Variants in LAMA1 observed in about 807,000 individuals in gnomAD.
The protein encoded by LAMA1 is laminin subunit alpha 1, also known as laminin subunit alpha-1.
LAMA1 carries 219 observed loss-of-function variants against 348.7 expected under a neutral mutation model. The observed-to-expected ratio is 0.63, with a 90% CI of 0.56 to 0.70. LAMA1 has a LOEUF of 0.70. LAMA1 is among the 30% of genes least tolerant of loss of function. LAMA1 has a pLI of 0.00. For missense variants in LAMA1, 3,744 were observed against 3,888.0 expected, an observed-to-expected ratio of 0.96 and a Z score of 0.99; for synonymous variants, 1,487 against 1,491.0, an observed-to-expected ratio of 1.00 and a Z score of 0.06.
At chr18:7,006,249 T>C (rs2057831287) in intron 29 of LAMA1, among the ~76,000 whole-genome samples, 1 of 152,128 alleles carries the variant, frequency 6.6e-6, no homozygotes, top group Admixed American at 6.5e-5. Flanking sequence ...GCTTAGTCGT[T>C]TACAGTGGTC....
intron 36 of LAMA1, among the ~76,000 whole-genome samples, chr18:6,986,863 G>A (rs1022974790): frequency 6.6e-6 from 1 of 152,104 alleles, no homozygotes; most frequent in Non-Finnish European, 1.5e-5. Flanking sequence ...ATGTTCAAAC[G>A]ATTCTCCTGC....
intron 49 of LAMA1, chr18:6,965,920 TTGG>T: frequency 1.8e-6 from 1 of 549,334 alleles, no homozygotes; most frequent in Non-Finnish European, 3.2e-6. Context: ...TAGTTTCTAC[TTGG>T]TGTTCTTCTA....
At chr18:7,097,812 T>C (rs2058268338) in intron 1 of LAMA1, among the ~76,000 whole-genome samples, 3 of 151,994 alleles carry the variant, frequency 2.0e-5, no homozygotes, top group African/African-American at 7.3e-5. Context: ...ATGCAAAAAA[T>C]GAACTTACAC....
chr18:6,962,097 GT>G, intron 51 of LAMA1, 38 bp from the exon 52 acceptor site: 1 of 1,482,642 alleles, frequency 6.7e-7, no homozygotes, highest in Non-Finnish European at 9.4e-7. Flanking sequence ...CAAAATTTGG[GT>G]TTTTAAATTC....
At chr18:7,050,651 C>T in intron 4 of LAMA1, 43 bp downstream of exon 4, 1 of 1,612,422 alleles carries the variant, frequency 6.2e-7, no homozygotes. Flanking sequence ...CAGGGAGACT[C>T]TGATGAGGAA....
intron 62 of LAMA1, 135 bp from the exon 63 acceptor site, chr18:6,942,374 T>A: frequency 1.1e-6 from 1 of 947,896 alleles, no homozygotes; most frequent in South Asian, 1.6e-5. Context: ...TAGGAGAATA[T>A]CTTCCACATA....
At position 7,026,062 on chromosome 18, in the gene LAMA1, C is replaced by A. The variant is rs781185458; in HGVS notation, c.2319G>T (p.Leu773Phe). 5 of 1,610,782 alleles carry A rather than the reference C, an allele frequency of 3.1e-6. No individual in the cohort carries two copies. Among genetic ancestry groups the A allele is most frequent in the Admixed American group, 3.3e-5 (2 of 59,706 alleles). The change falls in exon 17 of 63, where the codon TTG (leucine) becomes TTT (phenylalanine). Residue 773 changes from leucine (L) to phenylalanine (F), a missense_variant. Leu to Phe is a conservative substitution (Grantham distance 22, BLOSUM62 0). Transcript: ENST00000389658. ...GGGAAGGCTCCCCGTAGAAGCCGGG[C>A]AAGCACTGCTCACAGTGGACGCCGG... Reference protein sequence around the residue: ...NTTGVHCEQCLPGFYGEPSRG... With the variant: ...NTTGVHCEQCFPGFYGEPSRG...
At chr18:7,069,952 T>C (rs898344154) in intron 3 of LAMA1, among the ~76,000 whole-genome samples, 1 of 152,194 alleles carries the variant, frequency 6.6e-6, no homozygotes, top group African/African-American at 2.4e-5. Flanking sequence ...GTTGCTGTTT[T>C]AAGCCATAAA....
intron 1 of LAMA1, among the ~76,000 whole-genome samples, chr18:7,115,067 C>T (rs1179155902): frequency 8.5e-5 from 13 of 152,148 alleles, no homozygotes; most frequent in Non-Finnish European, 1.9e-4. Context: ...GGCAGTGAGG[C>T]TTCTGTTACA....
chr18:7,094,837 C>A (rs2058254059), intron 1 of LAMA1, among the ~76,000 whole-genome samples: 1 of 152,138 alleles, frequency 6.6e-6, no homozygotes, highest in Non-Finnish European at 1.5e-5. Flanking sequence ...CTATAAATTT[C>A]TCAGTTTTAT....
At position 7,035,975 on chromosome 18, in the gene LAMA1, A is replaced by C. The variant is rs1196697264; in HGVS notation, c.1839+12T>G. ...CTAAGCTCTATAGCAGAATCAAAGC[A>C]AAAACAATCACCTTAATGATGACGT... On this transcript the variant is annotated intron_variant, in intron 13 of 62. Transcript: ENST00000389658. The C allele has an allele frequency of 6.2e-7, 1 of 1,608,508 alleles. No homozygotes were observed. The highest frequency in any genetic ancestry group is 8.5e-7 in the Non-Finnish European group (1 of 1,174,860).
At chr18:6,952,915 G>T (rs1340316758) in intron 57 of LAMA1, among the ~76,000 whole-genome samples, 1 of 148,642 alleles carries the variant, frequency 6.7e-6, no homozygotes, top group African/African-American at 2.5e-5. Context: ...TCCACGCCAT[G>T]GGAGCCATGT....
chr18:7,043,811 C>T (rs1474233325), intron 7 of LAMA1, among the ~76,000 whole-genome samples: 1 of 152,118 alleles, frequency 6.6e-6, no homozygotes, highest in Non-Finnish European at 1.5e-5. Context: ...TTAAAAACAG[C>T]ATTTCTAATT....
chr18:7,014,079 A>C (rs747815210), intron 22 of LAMA1, 28 bp from the exon 23 acceptor site: 1 of 1,558,188 alleles, frequency 6.4e-7, no homozygotes, highest in East Asian at 2.2e-5. Context: ...CAACTCAATT[A>C]AAAAGGCAGA....
chr18:7,040,269 G>A, intron 9 of LAMA1, 33 bp from the exon 10 acceptor site: 2 of 1,611,726 alleles, frequency 1.2e-6, no homozygotes, highest in South Asian at 1.1e-5. Context: ...GACCCAACAT[G>A]AAGGCAAAAG....
rs12956355 is a variant in LAMA1, at chr18:6,953,096, T to C, written c.8208-2125A>G. On this transcript the variant is annotated intron_variant, in intron 57 of 62. Transcript: ENST00000389658. Reference sequence around the variant, plus strand: ...GGGAGCCATGTCTGCCTGTGTCCAGTGGATCCACACCATAGGAGCCATGTC... The same window carrying C: ...GGGAGCCATGTCTGCCTGTGTCCAGCGGATCCACACCATAGGAGCCATGTC... 7.8e-4 allele frequency among the ~76,000 whole-genome samples: 102 copies of C among 130,902 alleles called. 1 individual carries two copies. Among genetic ancestry groups the C allele is most frequent in the Middle Eastern group, 4.5e-3 (1 of 220 alleles). 85.9% of individuals were successfully genotyped at this position (130,902 alleles called of 152,430 possible). A position where few individuals can be genotyped will look rare whatever the true frequency, so the allele number is the denominator to read the frequency against.
At chr18:7,059,330 G>C (rs566734755) in intron 3 of LAMA1, among the ~76,000 whole-genome samples, 14 of 152,200 alleles carry the variant, frequency 9.2e-5, no homozygotes, top group Non-Finnish European at 1.8e-4. Context: ...GTTCTCACTA[G>C]ACTCAGAGTC....
rs2057689831 is a variant in LAMA1, at chr18:6,977,892, CAAG to C, written c.6191-14_6191-12del. On this transcript the variant is annotated splice_polypyrimidine_tract_variant and intron_variant, in intron 43 of 62. Coordinates refer to ENST00000389658, the MANE Select transcript of LAMA1 (RefSeq NM_005559.4). The stretch of plus-strand genomic sequence containing the variant: ...TTCCAGCCAACAGAGCTAACAAATA[CAAG>C]AAGGCAAGGGGTGGCAAGAAAGTTG... 6.2e-7 allele frequency: 1 copy of C among 1,609,410 alleles called. No individual in the cohort carries two copies. The highest frequency in any genetic ancestry group is 1.7e-5 in the Admixed American group (1 of 59,962).
intron 42 of LAMA1, among the ~76,000 whole-genome samples, chr18:6,979,803 G>A (rs900664807): frequency 3.3e-5 from 5 of 152,024 alleles, no homozygotes; most frequent in African/African-American, 1.2e-4. Flanking sequence ...GGAGGCTGAG[G>A]CAGGAGAATG....
Sources: allele counts gnomAD v4.1 joint callset (sites outside exome capture counted in the v4.1 genomes callset), GRCh38; gene constraint gnomAD v4.1.1; transcripts MANE v1.5; gene names NCBI Gene and HGNC (gene_info 2026-07-23, HGNC 2026-07-21).